The following ZGRF1 variants were observed in gnomAD, a reference collection of about 807,000 sequenced individuals.
ZGRF1 encodes the protein 5'-3' DNA helicase ZGRF1.
A neutral mutation model predicts 203.5 loss-of-function variants in ZGRF1; 196 were observed. The ratio of observed to expected loss-of-function variants is 0.96; its 90% CI spans 0.86 to 1.08. The LOEUF (loss-of-function observed/expected upper bound fraction) is 1.08, where lower values mean the gene tolerates loss of function less well. Among genes scored for constraint, ZGRF1 ranks in the 50% least tolerant of loss-of-function variants. ZGRF1 has a pLI of 0.00. For missense variants in ZGRF1, 2,326 were observed against 2,416.3 expected (o/e 0.96, Z 0.78); for synonymous variants, 809 against 841.3 (o/e 0.96, Z 0.66).
At chr4:112,560,218 A>G (rs1460270984) in intron 19 of ZGRF1, among the ~76,000 whole-genome samples, 2 of 152,204 alleles carry the variant, frequency 1.3e-5, no homozygotes, top group Non-Finnish European at 2.9e-5. Context: ...AATCGCCTTC[A>G]CTGTGACAGA....
chr4:112,581,434 T>C (rs1746231782), intron 16 of ZGRF1, among the ~76,000 whole-genome samples: 1 of 150,382 alleles, frequency 6.6e-6, no homozygotes, highest in Admixed American at 6.6e-5. Flanking sequence ...ATAATAAAAA[T>C]AAAAATAAAA....
At chr4:112,636,601 C>T (rs2047653423) in intron 1 of ZGRF1, 1 of 152,142 alleles carries the variant, frequency 6.6e-6, no homozygotes, top group Admixed American at 6.5e-5. Flanking sequence ...CTTTCTCAGT[C>T]CTAAATACAA....
intron 3 of ZGRF1, 30 bp downstream of exon 3, chr4:112,631,900 G>C: frequency 7.8e-7 from 1 of 1,283,600 alleles, no homozygotes; most frequent in Non-Finnish European, 1.1e-6. Flanking sequence ...CCTTGCTCTT[G>C]CACCCTATAG....
At chr4:112,562,727 A>G (rs1338372101) in intron 17 of ZGRF1, among the ~76,000 whole-genome samples, 1 of 152,240 alleles carries the variant, frequency 6.6e-6, no homozygotes, top group East Asian at 1.9e-4. Context: ...GGACTTCCAT[A>G]TATCAGCAAA....
intron 20 of ZGRF1, among the ~76,000 whole-genome samples, chr4:112,557,524 G>A (rs1431877925): frequency 6.6e-6 from 1 of 152,154 alleles, no homozygotes; most frequent in African/African-American, 2.4e-5. Context: ...CTAGATCAGA[G>A]ACAAAGGACT....
At position 112,614,577 on chromosome 4, in the gene ZGRF1, C is replaced by T. The variant is rs143039656; in HGVS notation, c.2603-1989G>A. On this transcript the variant is annotated intron_variant, in intron 6 of 27. Coordinates refer to ENST00000505019, the MANE Select transcript of ZGRF1 (RefSeq NM_018392.5). ...GGTACAGTGGCTCACGCCTATAATC[C>T]CAGCACTTCGGGAGGCCGAGGTGGG... Among the ~76,000 whole-genome samples, 1,090 of 152,250 alleles carry T rather than the reference C, an allele frequency of 7.2e-3. 33 individuals are homozygous for T. In the East Asian group the frequency reaches 0.093, roughly 13 times the overall value.
At position 112,541,302 on chromosome 4, in the gene ZGRF1, AT is replaced by A. The variant is rs201056012; in HGVS notation, c.5599-35del. ...TTTAAATGAAGAAAAATAAAACATA[AT>A]TTTTTTGTTCTTCTAGGGAAAGAAA... On this transcript the variant is annotated intron_variant, in intron 24 of 27. Coordinates refer to ENST00000505019, the MANE Select transcript of ZGRF1 (RefSeq NM_018392.5). 9.8e-3 allele frequency: 12,840 copies of A among 1,315,184 alleles called. 126 individuals are homozygous for A. Among genetic ancestry groups the A allele is most frequent in the Middle Eastern group, 0.034 (177 of 5,182 alleles). 81.5% of individuals were successfully genotyped at this position (1,315,184 alleles called of 1,614,324 possible). A position where few individuals can be genotyped will look rare whatever the true frequency, so the allele number is the denominator to read the frequency against.
At chr4:112,567,387 A>G (rs1743324551) in intron 16 of ZGRF1, among the ~76,000 whole-genome samples, 1 of 152,232 alleles carries the variant, frequency 6.6e-6, no homozygotes, top group South Asian at 2.1e-4. Context: ...ATAGAATCAT[A>G]TAGAAAAGGG....
Position 112,539,468 on chromosome 4 carries a change from AG to A in ZGRF1, c.*78del. The A allele has an allele frequency of 1.3e-6, 1 of 757,508 alleles. No individual in the cohort carries two copies. The highest frequency in any genetic ancestry group is 2.0e-6 in the Non-Finnish European group (1 of 495,264). The allele number at this position is 757,508 out of a possible 1,614,324, so 46.9% of individuals were successfully genotyped here. ...TCATATTTTTAATAAGAGGGTTTAG[AG>A]TAATAAAAATATAAAAAATATATCA... On this transcript the variant is annotated 3_prime_UTR_variant, in exon 28 of 28. Coordinates refer to ENST00000505019, the MANE Select transcript of ZGRF1 (RefSeq NM_018392.5).
intron 16 of ZGRF1, among the ~76,000 whole-genome samples, chr4:112,567,884 C>G (rs896615444): frequency 6.6e-6 from 1 of 151,922 alleles, no homozygotes; most frequent in Admixed American, 6.6e-5. Flanking sequence ...CGTGATTGCT[C>G]TACTCCAGCC....
intron 22 of ZGRF1, among the ~76,000 whole-genome samples, chr4:112,553,181 T>C (rs1740275692): frequency 1.3e-5 from 2 of 152,366 alleles, no homozygotes; most frequent in Admixed American, 6.5e-5. Flanking sequence ...AACTTTCTTT[T>C]ACTCCATCCC....
chr4:112,620,292 AGGTG>A, intron 4 of ZGRF1, 102 bp from the exon 5 acceptor site: 1 of 746,410 alleles, frequency 1.3e-6, no homozygotes, highest in African/African-American at 1.8e-5. Flanking sequence ...TTCAATAAAT[AGGTG>A]TTGAACGAAT....
intron 1 of ZGRF1, among the ~76,000 whole-genome samples, chr4:112,633,625 T>A (rs2047485051): frequency 6.6e-6 from 1 of 152,236 alleles, no homozygotes; most frequent in East Asian, 1.9e-4. Flanking sequence ...CCTTGTGTTT[T>A]AAATTTTTCC....
chr4:112,611,658 G>A (rs1168941717), intron 7 of ZGRF1, among the ~76,000 whole-genome samples: 2 of 152,156 alleles, frequency 1.3e-5, no homozygotes, highest in East Asian at 3.9e-4. Context: ...CCCTGAGGTG[G>A]CACAATGAAC....
rs753746731 is a variant in ZGRF1, at chr4:112,618,336, T to C, written c.1706A>G (p.Asn569Ser). The change falls in exon 6 of 28, where the codon AAT (asparagine) becomes AGT (serine). Residue 569 changes from asparagine to serine, a missense_variant. Asn to Ser is a conservative substitution (Grantham distance 46). Transcript: ENST00000505019. The part of the protein sequence containing the change: ...WVKDILVNDG[N>S]SCFQKRSENT... ...CTCAGACCTCTTTTGAAAACATGAA[T>C]TGCCATCATTAACCAAAATGTCCTT... The C allele has an allele frequency of 1.2e-5, 19 of 1,613,762 alleles. No individual in the cohort carries two copies. Among genetic ancestry groups the C allele is most frequent in the Non-Finnish European group, 1.6e-5 (19 of 1,179,926 alleles).
chr4:112,622,965 C>A (rs2047111441), intron 4 of ZGRF1, among the ~76,000 whole-genome samples: 1 of 152,178 alleles, frequency 6.6e-6, no homozygotes, highest in South Asian at 2.1e-4. Context: ...TCCTCTTCCT[C>A]CTCCTACCCT....
In ZGRF1 at chr4:112,599,935, A is replaced by G. The variant is rs371519325; in HGVS notation, c.2976+3589T>C. ...TGTAACTTTACATAAAATGTACTCA[A>G]TACATAAAAATCAATTACAGGTAAA... On this transcript the variant is annotated intron_variant, in intron 10 of 27. Coordinates refer to ENST00000505019, the MANE Select transcript of ZGRF1 (RefSeq NM_018392.5). Among the ~76,000 whole-genome samples, 15 of 152,372 alleles carry G rather than the reference A, an allele frequency of 9.8e-5. No individual in the cohort carries two copies. In the East Asian group the frequency reaches 1.7e-3, roughly 18 times the overall value.
Position 112,576,130 on chromosome 4 carries a change from T to C in ZGRF1, c.4438+5533A>G, listed in dbSNP as rs566051096. On this transcript the variant is annotated intron_variant, in intron 16 of 27. Coordinates refer to ENST00000505019, the MANE Select transcript of ZGRF1 (RefSeq NM_018392.5). ...ACATTTGCTGTTCACCAATATCCGC[T>C]GTTCTGCAGCCTCCGCTGCTGATAC... Among the ~76,000 whole-genome samples, 3 of 152,338 alleles carry C rather than the reference T, an allele frequency of 2.0e-5. No individual in the cohort carries two copies. The South Asian group carries it at 6.2e-4, about 32-fold the overall frequency.
intron 21 of ZGRF1, 37 bp from the exon 22 acceptor site, chr4:112,554,019 T>C (rs1740469693): frequency 6.4e-7 from 1 of 1,555,012 alleles, no homozygotes; most frequent in Non-Finnish European, 8.7e-7. Flanking sequence ...CTTTATTCCA[T>C]TTTTCATAAC....
Sources: gnomAD v4.1 joint callset for allele counts (sites outside exome capture counted in the v4.1 genomes callset) on GRCh38, gnomAD v4.1.1 for gene constraint, MANE v1.5 for transcripts, NCBI Gene and HGNC (gene_info 2026-07-23, HGNC 2026-07-21) for gene names.